The following LUZP2 variants were observed in gnomAD, a reference collection of about 807,000 sequenced individuals.
The protein encoded by LUZP2 is leucine zipper protein 2.
In LUZP2, 52 loss-of-function variants were observed where a neutral mutation model predicts 51.6. The ratio of observed to expected loss-of-function variants is 1.01; its 90% CI spans 0.81 to 1.27. LUZP2 has a LOEUF of 1.27. Among genes scored for constraint, LUZP2 ranks in the 50% most tolerant of loss-of-function variants. The probability of loss-of-function intolerance (pLI) is 0.00; values close to 1 mark genes in which losing one functional copy is unlikely to be tolerated. For missense variants in LUZP2, 436 were observed against 395.4 expected, an observed-to-expected ratio of 1.10 and a Z score of -0.87; for synonymous variants, 154 against 137.3, an observed-to-expected ratio of 1.12 and a Z score of -0.85.
intron 5 of LUZP2, among the ~76,000 whole-genome samples, chr11:24,870,470 T>TAC (rs377460741): frequency 0.61 from 79,761 of 130,448 alleles, 22,109 homozygotes; most frequent in Middle Eastern, 0.71. Context: ...CACCAGTTCC[T>TAC]ACACACACAC....
intron 5 of LUZP2, among the ~76,000 whole-genome samples, chr11:24,883,623 C>A (rs1272498557): frequency 6.6e-6 from 1 of 152,002 alleles, no homozygotes; most frequent in Admixed American, 6.6e-5. Context: ...TGGCAAGCTT[C>A]AATTAATTCA....
chr11:24,591,899 G>T (rs1300464824), intron 1 of LUZP2, among the ~76,000 whole-genome samples: 1 of 134,322 alleles, frequency 7.4e-6, no homozygotes, highest in Non-Finnish European at 1.6e-5. Flanking sequence ...AGCAATTATT[G>T]TCCAAGGTAT....
At chr11:24,624,333 T>G (rs1328084415) in intron 1 of LUZP2, among the ~76,000 whole-genome samples, 2 of 152,144 alleles carry the variant, frequency 1.3e-5, no homozygotes, top group African/African-American at 2.4e-5. Context: ...TGATTTTTTT[T>G]TGTCCTCAGA....
In LUZP2 at chr11:24,765,071, T is replaced by G. The variant is rs1860130755; in HGVS notation, c.396+1763T>G. ...ATGAAAATTGATAACCAAAAAAGCT[T>G]TGGTCTTTTTACAAAACCTAACGGT... On this transcript the variant is annotated intron_variant, in intron 5 of 11. Transcript: ENST00000336930. Among the ~76,000 whole-genome samples the G allele has an allele frequency of 3.3e-5, 5 of 152,210 alleles. No homozygotes were observed. The South Asian group carries it at 1.0e-3, about 32-fold the overall frequency.
intron 5 of LUZP2, among the ~76,000 whole-genome samples, chr11:24,809,378 T>C (rs1404750786): frequency 1.3e-5 from 2 of 152,096 alleles, no homozygotes; most frequent in Non-Finnish European, 2.9e-5. Context: ...ATTGAGTTAG[T>C]TTCCTTTTTA....
At chr11:24,617,730 G>C (rs1854336484) in intron 1 of LUZP2, among the ~76,000 whole-genome samples, 1 of 151,958 alleles carries the variant, frequency 6.6e-6, no homozygotes, top group South Asian at 2.1e-4. Flanking sequence ...CTGAGGCAGG[G>C]TAATCTCTTG....
intron 10 of LUZP2, among the ~76,000 whole-genome samples, chr11:25,065,793 A>C (rs1403071381): frequency 6.6e-6 from 1 of 152,080 alleles, no homozygotes; most frequent in African/African-American, 2.4e-5. Context: ...AGTCATAGTC[A>C]AAAGATAATC....
chr11:24,625,345 C>CA lies in LUZP2; in HGVS notation c.63-103814dup, dbSNP rs34697664. Among the ~76,000 whole-genome samples the CA allele has an allele frequency of 1.6e-3, 222 of 135,592 alleles. 1 individual carries two copies. The highest frequency in any genetic ancestry group is 0.016 in the Middle Eastern group (4 of 252). The allele number at this position is 135,592 out of a possible 152,430, so 89.0% of individuals were successfully genotyped here. On this transcript the variant is annotated intron_variant, in intron 1 of 11. Transcript: ENST00000336930. ...GGAGAGATTTTATGTGTTCTCATTT[C>CA]AAAAAAAAAAGGAAGGGAAAGGAAA...
At chr11:24,850,741 C>T (rs1371654389) in intron 5 of LUZP2, among the ~76,000 whole-genome samples, 4 of 152,152 alleles carry the variant, frequency 2.6e-5, no homozygotes, top group Non-Finnish European at 5.9e-5. Context: ...ATTGATTCTT[C>T]CTATCCATGA....
chr11:24,923,822 C>T (rs551710784), intron 7 of LUZP2, among the ~76,000 whole-genome samples: 71 of 152,210 alleles, frequency 4.7e-4, no homozygotes, highest in South Asian at 1.9e-3. Flanking sequence ...CTTATTTTCA[C>T]AGGTAAGGGA....
chr11:24,601,890 ATATATGTATATATG>A (rs769157853), intron 1 of LUZP2, among the ~76,000 whole-genome samples: 8 of 133,292 alleles, frequency 6.0e-5, no homozygotes, highest in East Asian at 2.1e-4. Flanking sequence ...GTATATATGT[ATATATGTATATATG>A]TATATATGTA....
chr11:24,888,778 G>A lies in LUZP2; in HGVS notation c.397-17213G>A, dbSNP rs557383606. On this transcript the variant is annotated intron_variant, in intron 5 of 11. Transcript: ENST00000336930. Reference sequence around the variant, plus strand: ...CCAGGTGGAGGTAACTGAATCATGGGGGATGGTTTCCCCCATGTTGTTCTC... The same window carrying A: ...CCAGGTGGAGGTAACTGAATCATGGAGGATGGTTTCCCCCATGTTGTTCTC... 2.3e-4 allele frequency among the ~76,000 whole-genome samples: 35 copies of A among 152,124 alleles called. No individual in the cohort carries two copies. In the South Asian group the frequency reaches 6.4e-3, roughly 28 times the overall value.
At chr11:24,990,372 A>C (rs1168330727) in intron 9 of LUZP2, among the ~76,000 whole-genome samples, 1 of 152,094 alleles carries the variant, frequency 6.6e-6, no homozygotes, top group East Asian at 1.9e-4. Flanking sequence ...TTTAAATTTA[A>C]CTGCTCCATT....
At chr11:24,680,838 A>G (rs1265195362) in intron 1 of LUZP2, among the ~76,000 whole-genome samples, 1 of 152,222 alleles carries the variant, frequency 6.6e-6, no homozygotes, top group African/African-American at 2.4e-5. Context: ...CGGATAATCT[A>G]CCTGACTTCA....
chr11:24,871,147 C>T (rs547660972), intron 5 of LUZP2, among the ~76,000 whole-genome samples: 4 of 152,030 alleles, frequency 2.6e-5, no homozygotes, highest in African/African-American at 9.6e-5. Context: ...TCCAGATTTA[C>T]AATTTTTTTA....
In LUZP2 at chr11:24,947,105, C is replaced by A. The variant is rs143610597; in HGVS notation, c.523-29486C>A. On this transcript the variant is annotated intron_variant, in intron 7 of 11. Coordinates refer to ENST00000336930, the MANE Select transcript of LUZP2 (RefSeq NM_001009909.4). ...GTAATAACCTACTATTGACTGAAAG[C>A]CTTACCAATAACATAAACAGTCAAT... is the stretch of plus-strand genomic sequence containing the variant. Among the ~76,000 whole-genome samples the A allele has an allele frequency of 1.8e-3, 274 of 151,968 alleles. 3 individuals are homozygous for A. The highest frequency in any genetic ancestry group is 6.5e-3 in the African/African-American group (268 of 41,478).
At chr11:25,031,758 T>C (rs1857694561) in intron 9 of LUZP2, among the ~76,000 whole-genome samples, 1 of 152,108 alleles carries the variant, frequency 6.6e-6, no homozygotes, top group Admixed American at 6.6e-5. Flanking sequence ...CTTAGCTACA[T>C]TCCTAACATT....
At chr11:24,873,962 C>T (rs1852165523) in intron 5 of LUZP2, among the ~76,000 whole-genome samples, 1 of 140,970 alleles carries the variant, frequency 7.1e-6, no homozygotes, top group African/African-American at 2.5e-5. Flanking sequence ...TAACACCTGA[C>T]AGGGATTAGC....
intron 7 of LUZP2, among the ~76,000 whole-genome samples, chr11:24,966,234 A>T (rs1855578405): frequency 6.6e-6 from 1 of 151,622 alleles, no homozygotes; most frequent in African/African-American, 2.4e-5. Flanking sequence ...TAATTTATTT[A>T]CTACCTAAGT....
Sources: gnomAD v4.1 joint callset for allele counts (sites outside exome capture counted in the v4.1 genomes callset) on GRCh38, gnomAD v4.1.1 for gene constraint, MANE v1.5 for transcripts, NCBI Gene and HGNC (gene_info 2026-07-23, HGNC 2026-07-21) for gene names.